The following RABGAP1L variants were observed in gnomAD, a reference collection of about 807,000 sequenced individuals.
RABGAP1L encodes rab GTPase-activating protein 1-like.
In RABGAP1L, 63 loss-of-function variants were observed where a neutral mutation model predicts 137.7. That is an observed-to-expected ratio of 0.46 (90% CI 0.37 to 0.56). The LOEUF (loss-of-function observed/expected upper bound fraction) is 0.56. Among genes scored for constraint, RABGAP1L ranks in the 20% least tolerant of loss-of-function variants. The pLI, the probability that RABGAP1L is intolerant of heterozygous loss-of-function variation, is 0.00. For synonymous variants in RABGAP1L, 431 were observed against 433.7 expected (o/e 0.99, Z 0.08); for missense variants, 1,095 against 1,244.0 (o/e 0.88, Z 1.80).
intron 8 of RABGAP1L, 47 bp from the exon 9 acceptor site, chr1:174,275,786 A>G (rs997086750): frequency 3.6e-6 from 5 of 1,404,036 alleles, no homozygotes; most frequent in Middle Eastern, 3.6e-4. Context: ...TAAAGTAGTG[A>G]TTTTTTTGAT....
intron 18 of RABGAP1L, among the ~76,000 whole-genome samples, chr1:174,808,348 G>A (rs1374774167): frequency 6.6e-6 from 1 of 152,014 alleles, no homozygotes; most frequent in East Asian, 1.9e-4. Context: ...TGGCTACTCG[G>A]GAGCCTAAGA....
chr1:174,961,401 T>G (rs1669073977), intron 20 of RABGAP1L, among the ~76,000 whole-genome samples: 1 of 152,156 alleles, frequency 6.6e-6, no homozygotes, highest in African/African-American at 2.4e-5. Context: ...AAGAGATGAA[T>G]TGTTTCTGTT....
At chr1:174,360,561 A>G (rs1684049119) in intron 11 of RABGAP1L, among the ~76,000 whole-genome samples, 1 of 152,206 alleles carries the variant, frequency 6.6e-6, no homozygotes, top group South Asian at 2.1e-4. Context: ...GATGTTTTTA[A>G]CATTATAGTA....
intron 19 of RABGAP1L, chr1:174,874,600 TTTTC>T (rs2149065576): frequency 7.3e-6 from 5 of 689,520 alleles, no homozygotes; most frequent in African/African-American, 2.0e-5. Context: ...TTTTTTTTTT[TTTTC>T]CAATGCAGTT....
At chr1:174,780,068 CAATAAATAAATAAATAAATAAATA>C (rs367683847) in intron 18 of RABGAP1L, among the ~76,000 whole-genome samples, 7 of 92,342 alleles carry the variant, frequency 7.6e-5, no homozygotes, top group African/African-American at 1.4e-4. Flanking sequence ...CTCCATCTTA[CAATAAATAAATAAATAAATAAATA>C]AATAAATAAA....
chr1:174,326,401 A>G (rs1178442632), intron 11 of RABGAP1L, among the ~76,000 whole-genome samples: 2 of 152,232 alleles, frequency 1.3e-5, no homozygotes, highest in Non-Finnish European at 2.9e-5. Flanking sequence ...GTTGAAGGAT[A>G]TAATAAACAA....
rs183146854 is a variant in RABGAP1L, at chr1:174,200,257, G to A, written c.-33-18868G>A. ...TATATGAGTTCTTGTGTAGGTGTTA[G>A]CTAACAATCTGGTGTTCCTAAAATG... On this transcript the variant is annotated intron_variant, in intron 1 of 25. Coordinates refer to ENST00000681986, the MANE Select transcript of RABGAP1L (RefSeq NM_001366446.1). 2.2e-4 allele frequency among the ~76,000 whole-genome samples: 33 copies of A among 152,306 alleles called. 1 individual carries two copies. The highest frequency in any genetic ancestry group is 4.0e-4 in the Non-Finnish European group (27 of 68,010).
intron 17 of RABGAP1L, among the ~76,000 whole-genome samples, chr1:174,722,594 C>A (rs550093472): frequency 6.6e-6 from 1 of 151,586 alleles, no homozygotes; most frequent in Non-Finnish European, 1.5e-5. Flanking sequence ...GGATTACAGG[C>A]GCCCACCACC....
At chr1:174,392,806 T>C (rs952111681) in intron 12 of RABGAP1L, among the ~76,000 whole-genome samples, 18 of 152,276 alleles carry the variant, frequency 1.2e-4, no homozygotes, top group African/African-American at 4.3e-4. Context: ...TCTATGACTT[T>C]CGAGGCTCAA....
chr1:174,506,707 C>T (rs575839650), intron 13 of RABGAP1L, among the ~76,000 whole-genome samples: 112 of 152,286 alleles, frequency 7.4e-4, no homozygotes, highest in Admixed American at 1.6e-3. Context: ...ATGTTGTCTA[C>T]GCATTGGGTA....
At chr1:174,178,519 A>G (rs1381062746) in intron 1 of RABGAP1L, among the ~76,000 whole-genome samples, 1 of 152,242 alleles carries the variant, frequency 6.6e-6, no homozygotes, top group African/African-American at 2.4e-5. Context: ...TCTGCCATAA[A>G]GACAGATGCA....
chr1:174,464,270 T>C (rs1265385585), intron 13 of RABGAP1L, among the ~76,000 whole-genome samples: 2 of 152,190 alleles, frequency 1.3e-5, no homozygotes, highest in African/African-American at 4.8e-5. Context: ...AAGTAATCCT[T>C]ACAAAGTTAT....
intron 18 of RABGAP1L, among the ~76,000 whole-genome samples, chr1:174,760,914 CAG>C (rs1685168093): frequency 6.6e-6 from 1 of 152,194 alleles, no homozygotes; most frequent in Non-Finnish European, 1.5e-5. Context: ...TATTTAGAGA[CAG>C]ATACTGTTCT....
intron 18 of RABGAP1L, among the ~76,000 whole-genome samples, chr1:174,786,112 G>A (rs892422579): frequency 6.6e-6 from 1 of 152,192 alleles, no homozygotes; most frequent in Admixed American, 6.5e-5. Context: ...GAGGAGGAGT[G>A]TGGAAGAGTC....
intron 17 of RABGAP1L, among the ~76,000 whole-genome samples, chr1:174,742,244 T>C (rs116783242): frequency 0.013 from 2,015 of 149,838 alleles, 59 homozygotes; most frequent in African/African-American, 0.048. Flanking sequence ...GGGGGCCAGA[T>C]GCGGTGGCTC....
intron 13 of RABGAP1L, among the ~76,000 whole-genome samples, chr1:174,585,551 A>C (rs1669052776): frequency 6.6e-6 from 1 of 152,238 alleles, no homozygotes; most frequent in Non-Finnish European, 1.5e-5. Flanking sequence ...AACTTGAAGA[A>C]AGTATAGGAA....
chr1:174,356,122 C>A (rs562413648), intron 11 of RABGAP1L, among the ~76,000 whole-genome samples: 3 of 152,190 alleles, frequency 2.0e-5, no homozygotes, highest in African/African-American at 7.2e-5. Flanking sequence ...GAAAATAGAT[C>A]ACTTTTATAT....
intron 1 of RABGAP1L, among the ~76,000 whole-genome samples, chr1:174,168,126 G>A (rs1257745078): frequency 1.3e-5 from 2 of 152,030 alleles, no homozygotes. Flanking sequence ...TTAGCCGAAT[G>A]TGGTGGTGTG....
At chr1:174,613,221 G>T (rs975012795) in intron 13 of RABGAP1L, among the ~76,000 whole-genome samples, 3 of 151,780 alleles carry the variant, frequency 2.0e-5, no homozygotes, top group Non-Finnish European at 2.9e-5. Context: ...TCTACACAGT[G>T]CTTTGAATGT....
Sources: allele counts gnomAD v4.1 joint callset (sites outside exome capture counted in the v4.1 genomes callset), GRCh38; gene constraint gnomAD v4.1.1; transcripts MANE v1.5; gene names NCBI Gene and HGNC (gene_info 2026-07-23, HGNC 2026-07-21).